Variants in TRERF1 observed in about 807,000 individuals in gnomAD.
TRERF1 encodes transcriptional regulating factor 1, also known as transcriptional-regulating factor 1.
TRERF1 carries 27 observed loss-of-function variants against 122.9 expected under a neutral mutation model. The observed-to-expected ratio is 0.22, with a 90% CI of 0.16 to 0.30. The LOEUF (loss-of-function observed/expected upper bound fraction) is 0.30. Ranked by LOEUF, TRERF1 falls within the 10% of genes least tolerant of loss-of-function variation. TRERF1 has a pLI of 1.00. For missense variants in TRERF1, 1,248 were observed against 1,560.3 expected, an observed-to-expected ratio of 0.80 and a Z score of 3.37; for synonymous variants, 636 against 641.7, an observed-to-expected ratio of 0.99 and a Z score of 0.13.
intron 2 of TRERF1, among the ~76,000 whole-genome samples, chr6:42,409,659 G>A (rs537406149): frequency 4.6e-5 from 7 of 152,270 alleles, no homozygotes; most frequent in African/African-American, 9.6e-5. Flanking sequence ...TGCAAACAGC[G>A]ATATTTTTAT....
At chr6:42,272,752 A>T (rs1780454839) in intron 4 of TRERF1, among the ~76,000 whole-genome samples, 1 of 152,124 alleles carries the variant, frequency 6.6e-6, no homozygotes. Context: ...GCTCTGGCCC[A>T]CTGGGGCTTA....
intron 3 of TRERF1, among the ~76,000 whole-genome samples, chr6:42,326,422 T>C (rs1764306518): frequency 6.6e-6 from 1 of 152,202 alleles, no homozygotes; most frequent in African/African-American, 2.4e-5. Flanking sequence ...TTTCCCAACT[T>C]GTGAGGGCAT....
chr6:42,371,722 CAGCCCCTGTCCT>C (rs1163286711), intron 2 of TRERF1, among the ~76,000 whole-genome samples: 2 of 152,178 alleles, frequency 1.3e-5, no homozygotes, highest in Non-Finnish European at 2.9e-5. Flanking sequence ...GACTAGCATT[CAGCCCCTGTCCT>C]ATAAGAAAGA....
At chr6:42,226,694 T>G (rs1052811480) in exon 18 of TRERF1, 1 of 152,264 alleles carries the variant, frequency 6.6e-6, no homozygotes, top group Non-Finnish European at 1.5e-5. Flanking sequence ...TCACAGCCAG[T>G]TCCCCCCCAT....
chr6:42,260,061 T>C (rs1777553974), intron 8 of TRERF1, among the ~76,000 whole-genome samples: 2 of 152,094 alleles, frequency 1.3e-5, no homozygotes, highest in Non-Finnish European at 2.9e-5. Context: ...CTGAGTGGGC[T>C]CTTTAATTCC....
At chr6:42,297,644 A>C (rs987718097) in intron 4 of TRERF1, among the ~76,000 whole-genome samples, 1 of 152,248 alleles carries the variant, frequency 6.6e-6, no homozygotes, top group Admixed American at 6.5e-5. Flanking sequence ...GACTTCACAC[A>C]GGTTTGTAGC....
At chr6:42,352,280 C>T (rs539051665) in intron 3 of TRERF1, among the ~76,000 whole-genome samples, 15 of 152,226 alleles carry the variant, frequency 9.9e-5, no homozygotes, top group Non-Finnish European at 8.8e-5. Context: ...CAGGCGTGAG[C>T]CACTGCATCC....
chr6:42,396,231 T>C (rs1057397701), intron 2 of TRERF1, among the ~76,000 whole-genome samples: 1 of 152,180 alleles, frequency 6.6e-6, no homozygotes. Context: ...AGCTCTCATA[T>C]GTGTGACTTT....
chr6:42,448,743 C>G (rs1221527459), intron 2 of TRERF1, among the ~76,000 whole-genome samples: 1 of 152,212 alleles, frequency 6.6e-6, no homozygotes, highest in African/African-American at 2.4e-5. Flanking sequence ...AGTGATGTTT[C>G]CCCTAGCCTT....
chr6:42,359,715 T>TC, intron 3 of TRERF1, among the ~76,000 whole-genome samples: 1 of 152,032 alleles, frequency 6.6e-6, no homozygotes, highest in Non-Finnish European at 1.5e-5. Context: ...AGAGCGAGAC[T>TC]CCGTCTCAAA....
At chr6:42,449,107 G>T (rs1208680616) in intron 2 of TRERF1, among the ~76,000 whole-genome samples, 2 of 152,208 alleles carry the variant, frequency 1.3e-5, no homozygotes, top group African/African-American at 4.8e-5. Context: ...ACAGTTCATA[G>T]AACAACTGTT....
At chr6:42,332,055 G>C (rs1765336138) in intron 3 of TRERF1, among the ~76,000 whole-genome samples, 1 of 152,224 alleles carries the variant, frequency 6.6e-6, no homozygotes, top group South Asian at 2.1e-4. Context: ...CGATTCCCCT[G>C]CCTCAGCCTC....
At chr6:42,318,170 C>T (rs1382015432) in intron 3 of TRERF1, among the ~76,000 whole-genome samples, 1 of 151,672 alleles carries the variant, frequency 6.6e-6, no homozygotes, top group Non-Finnish European at 1.5e-5. Context: ...AAAAAAAAAG[C>T]TCTTTGTAAA....
chr6:42,320,436 G>A (rs116752670), intron 3 of TRERF1, among the ~76,000 whole-genome samples: 27 of 151,572 alleles, frequency 1.8e-4, no homozygotes, highest in African/African-American at 2.9e-4. Context: ...TATTAAAGAC[G>A]AATACGTTAA....
intron 3 of TRERF1, among the ~76,000 whole-genome samples, chr6:42,316,435 C>A (rs1360278157): frequency 6.6e-6 from 1 of 152,144 alleles, no homozygotes; most frequent in Non-Finnish European, 1.5e-5. Context: ...TTTGTTCTAA[C>A]AAAATTTTGG....
At chr6:42,341,113 C>T (rs1051123841) in intron 3 of TRERF1, among the ~76,000 whole-genome samples, 2 of 152,188 alleles carry the variant, frequency 1.3e-5, no homozygotes, top group African/African-American at 4.8e-5. Context: ...AAATCACTTA[C>T]CAGCGGAGCA....
At chr6:42,398,384 A>C (rs1778929750) in intron 2 of TRERF1, among the ~76,000 whole-genome samples, 1 of 152,158 alleles carries the variant, frequency 6.6e-6, no homozygotes, top group Non-Finnish European at 1.5e-5. Flanking sequence ...TGTGGCCATC[A>C]CATGCCCTTG....
chr6:42,445,096 C>T (rs1015470824), intron 2 of TRERF1, among the ~76,000 whole-genome samples: 1 of 152,022 alleles, frequency 6.6e-6, no homozygotes, highest in South Asian at 2.1e-4. Flanking sequence ...TGGTGAAACC[C>T]CGTCTCTACT....
At chr6:42,294,811 C>T (rs1784829898) in intron 4 of TRERF1, among the ~76,000 whole-genome samples, 1 of 152,138 alleles carries the variant, frequency 6.6e-6, no homozygotes, top group Non-Finnish European at 1.5e-5. Flanking sequence ...ACAGAGCTAG[C>T]TGACAAACAG....
Sources: gnomAD v4.1 joint callset for allele counts (sites outside exome capture counted in the v4.1 genomes callset) on GRCh38, gnomAD v4.1.1 for gene constraint, MANE v1.5 for transcripts, NCBI Gene and HGNC (gene_info 2026-07-23, HGNC 2026-07-21) for gene names.